CAPN2: variants seen among roughly 807,000 people sequenced by gnomAD.
CAPN2 encodes the protein calpain-2 catalytic subunit.
A neutral mutation model predicts 102.3 loss-of-function variants in CAPN2; 92 were observed. That is an observed-to-expected ratio of 0.90 (90% CI 0.76 to 1.07). The LOEUF (loss-of-function observed/expected upper bound fraction) is 1.07, where lower values mean the gene tolerates loss of function less well. CAPN2 is among the 50% of genes least tolerant of loss of function. The probability of loss-of-function intolerance (pLI) is 0.00; values close to 1 mark genes in which losing one functional copy is unlikely to be tolerated. For synonymous variants in CAPN2, 340 were observed against 355.4 expected (o/e 0.96, Z 0.49); for missense variants, 800 against 909.4 (o/e 0.88, Z 1.55).
chr1:223,764,025 G>T (rs764080280), intron 14 of CAPN2, 125 bp from the exon 15 acceptor site: 2 of 744,754 alleles, frequency 2.7e-6, no homozygotes, highest in Admixed American at 3.6e-5. Flanking sequence ...CATGGCTCGG[G>T]GGCTTGTTAG....
rs28370008 is a variant in CAPN2, at chr1:223,712,784, C to T, written c.144C>T (p.Asp48=). ...ECLEAGTLFQ[D]PSFPAIPSAL... is the part of the protein sequence containing the mutation. ...TGGAGGCCGGGACGCTCTTCCAGGA[C>T]CCGTCCTTCCCGGCCATCCCCTCGG... Residue 48 remains aspartate (D), a synonymous_variant, in exon 1 of 21, where the codon GAC becomes GAT. Coordinates refer to ENST00000295006, the MANE Select transcript of CAPN2 (RefSeq NM_001748.5). 1.0e-3 allele frequency: 1,605 copies of T among 1,578,796 alleles called. 17 individuals carry two copies. In the African/African-American group the frequency reaches 0.02, roughly 20 times the overall value.
At position 223,734,209 on chromosome 1, in the gene CAPN2, T is replaced by C. The variant is rs538388256; in HGVS notation, c.308-9891T>C. 4.6e-5 allele frequency among the ~76,000 whole-genome samples: 7 copies of C among 152,354 alleles called. No homozygotes were observed. In the East Asian group the frequency reaches 1.3e-3, roughly 29 times the overall value. The stretch of plus-strand genomic sequence containing the variant: ...AGGCCTGGGTGGCCACTCTTCTTTG[T>C]AGTGGCCACCCTCGTGTCACCAGCA... On this transcript the variant is annotated intron_variant, in intron 2 of 20. Coordinates refer to ENST00000295006, the MANE Select transcript of CAPN2 (RefSeq NM_001748.5).
At chr1:223,717,226 C>T (rs1659901062) in intron 1 of CAPN2, among the ~76,000 whole-genome samples, 1 of 152,148 alleles carries the variant, frequency 6.6e-6, no homozygotes, top group Non-Finnish European at 1.5e-5. Flanking sequence ...AGTCCAGAGA[C>T]TCTGGGACTC....
rs771376432 is a variant in CAPN2 at position 223,752,860 on chromosome 1, ACT to A, written c.1043_1044del (p.Leu348HisfsTer48). ...GGAGATCTGTAACCTGACCCCAGAC[ACT>A]CTCACCAGCGATACCTACAAGAAGT... ...RLEICNLTPD[T>X]LTSDTYKKWK... On this transcript the variant is annotated frameshift_variant, in exon 9 of 21. Transcript: ENST00000295006. LOFTEE classifies it high-confidence loss of function. 1.9e-6 allele frequency: 3 copies of A among 1,614,038 alleles called. No individual in the cohort carries two copies. The South Asian group carries it at 3.3e-5, about 18-fold the overall frequency.
chr1:223,770,280 A>G (rs1661439011), intron 17 of CAPN2, 167 bp from the exon 18 acceptor site: 2 of 613,028 alleles, frequency 3.3e-6, no homozygotes, highest in Admixed American at 3.0e-5. Flanking sequence ...CACAGACAGA[A>G]GCAAAATACT....
rs1661003739 is a variant in CAPN2 at position 223,755,287 on chromosome 1, T to C, written c.1136-193T>C. 6.6e-6 allele frequency among the ~76,000 whole-genome samples: 1 copy of C among 151,680 alleles called. No homozygotes were observed. The highest frequency in any genetic ancestry group is 1.5e-5 in the Non-Finnish European group (1 of 67,920). On this transcript the variant is annotated intron_variant, in intron 9 of 20. Coordinates refer to ENST00000295006, the MANE Select transcript of CAPN2 (RefSeq NM_001748.5). This position sits in a 1 kb window ranked among gnomAD's most constrained non-coding sequence, Gnocchi z 4.1. The stretch of plus-strand genomic sequence containing the variant: ...CGCCATTTTCTGACATCTCCCGCTG[T>C]CTCCCACCATCTTCTGCCATACTCT...
upstream of CAPN2, chr1:223,712,360 G>A (rs991981110): frequency 9.9e-6 from 8 of 809,434 alleles, no homozygotes; most frequent in African/African-American, 9.3e-5. Context: ...GCGCCATCCC[G>A]GGAGCTGTCC....
chr1:223,750,751 T>C lies in CAPN2; in HGVS notation c.814-139T>C, dbSNP rs962462368. 3.3e-5 allele frequency: 24 copies of C among 726,390 alleles called. No individual in the cohort carries two copies. In the African/African-American group the frequency reaches 4.0e-4, roughly 12 times the overall value. The allele number at this position is 726,390 out of a possible 1,614,324, so 45.0% of individuals were successfully genotyped here. ...AGCTCTTGTGATCCTCCCTCATACA[T>C]GGACTCAACCCCCAAATCCTCCCCA... On this transcript the variant is annotated intron_variant, in intron 6 of 20. Coordinates refer to ENST00000295006, the MANE Select transcript of CAPN2 (RefSeq NM_001748.5).
Position 223,771,554 on chromosome 1 carries a change from G to A in CAPN2, c.1904-255G>A, listed in dbSNP as rs1398593376. 9.1e-6 allele frequency: 4 copies of A among 439,850 alleles called. No individual in the cohort carries two copies. The South Asian group carries it at 9.8e-5, about 11-fold the overall frequency. The allele number at this position is 439,850 out of a possible 1,614,324, so 27.2% of individuals were successfully genotyped here. A position where few individuals can be genotyped will look rare whatever the true frequency, so the allele number is the denominator to read the frequency against. On this transcript the variant is annotated intron_variant, in intron 18 of 20. Coordinates refer to ENST00000295006, the MANE Select transcript of CAPN2 (RefSeq NM_001748.5). ...CAACATGAAGCAACTGTGACCATGA[G>A]AACAGAAACAGGCAAGAAAACACTT...
intron 2 of CAPN2, among the ~76,000 whole-genome samples, chr1:223,733,672 G>T (rs766211247): frequency 3.3e-5 from 5 of 152,170 alleles, no homozygotes; most frequent in Non-Finnish European, 7.3e-5. Flanking sequence ...TCTTGGAAGG[G>T]GAAGGCTGCT....
In CAPN2 at chr1:223,771,934, A is replaced by G. The variant is rs768359483; in HGVS notation, c.2020+9A>G. 15 of 1,570,790 alleles carry G rather than the reference A, an allele frequency of 9.5e-6. No individual in the cohort carries two copies. Among genetic ancestry groups the G allele is most frequent in the Non-Finnish European group, 1.3e-5 (15 of 1,140,584 alleles). On this transcript the variant is annotated intron_variant, in intron 19 of 20. Coordinates refer to ENST00000295006, the MANE Select transcript of CAPN2 (RefSeq NM_001748.5). The stretch of plus-strand genomic sequence containing the variant: ...GCTGGAAACGCTATTCAGTAAGTGG[A>G]TATTTGGGGAATGACTCATTTCAGT...
chr1:223,713,144 T>C (rs1659787810), intron 1 of CAPN2, among the ~76,000 whole-genome samples: 1 of 152,092 alleles, frequency 6.6e-6, no homozygotes, highest in African/African-American at 2.4e-5. Context: ...CAGATCCCAC[T>C]AGCAGGCCAC....
rs976708756 is a variant in CAPN2, at chr1:223,725,998, G to A, written c.307+8167G>A. On this transcript the variant is annotated intron_variant, in intron 2 of 20. Transcript: ENST00000295006. The surrounding 1 kb of genome is among the most constrained non-coding windows in gnomAD (Gnocchi z 4.1). The stretch of plus-strand genomic sequence containing the variant: ...ACCCAGGGCCTCGTGGGTTTCCTCC[G>A]TCTCTCGGGAGACCAGGATCCGAGT... 1.3e-5 allele frequency among the ~76,000 whole-genome samples: 2 copies of A among 152,090 alleles called. No homozygotes were observed. Among genetic ancestry groups the A allele is most frequent in the African/African-American group, 2.4e-5 (1 of 41,380 alleles).
chr1:223,752,881 A>T lies in CAPN2; in HGVS notation c.1060A>T (p.Lys354Ter). ...TPDTLTSDTYKKWKLTKMDGN... is the reference protein window; with the variant it reads ...TPDTLTSDTY The stretch of plus-strand genomic sequence containing the variant: ...AGACACTCTCACCAGCGATACCTAC[A>T]AGAAGTGGAAACTCACCAAAATGGA... Residue 354 changes from lysine (K) to a stop codon, truncating the protein, a stop_gained, in exon 9 of 21, where the codon AAG becomes TAG. Transcript: ENST00000295006. LOFTEE classifies it high-confidence loss of function. The T allele has an allele frequency of 6.2e-7, 1 of 1,614,088 alleles. No homozygotes were observed. Among genetic ancestry groups the T allele is most frequent in the Non-Finnish European group, 8.5e-7 (1 of 1,179,972 alleles).
chr1:223,728,679 A>G (rs1660258754), intron 2 of CAPN2, among the ~76,000 whole-genome samples: 1 of 152,170 alleles, frequency 6.6e-6, no homozygotes, highest in Admixed American at 6.5e-5. Flanking sequence ...TTTACCAGTA[A>G]TAACCCAAGC....
At chr1:223,768,189 G>A (rs1218794713) in intron 16 of CAPN2, among the ~76,000 whole-genome samples, 1 of 149,852 alleles carries the variant, frequency 6.7e-6, no homozygotes, top group Non-Finnish European at 1.5e-5. Flanking sequence ...AAGCTCTTTA[G>A]TTTAATTAGA....
rs138659498 is a variant in CAPN2, at chr1:223,740,479, T to A, written c.308-3621T>A. On this transcript the variant is annotated intron_variant, in intron 2 of 20. Transcript: ENST00000295006. ...CCTCCCATTCTGTATTTGTCCCGAT[T>A]GGCTAACAACTTAGAACTTTTTAAA... is the stretch of plus-strand genomic sequence containing the variant. Among the ~76,000 whole-genome samples the A allele has an allele frequency of 4.5e-3, 689 of 152,294 alleles. 31 individuals carry two copies. The East Asian group carries it at 0.11, about 23-fold the overall frequency.
At position 223,744,236 on chromosome 1, in the gene CAPN2, T is replaced by G. The variant is rs1429369756; in HGVS notation, c.426+18T>G. 2 of 1,529,888 alleles carry G rather than the reference T, an allele frequency of 1.3e-6. No homozygotes were observed. The highest frequency in any genetic ancestry group is 2.7e-5 in the African/African-American group (2 of 73,294). 94.8% of individuals were successfully genotyped at this position (1,529,888 alleles called of 1,614,324 possible). A position where few individuals can be genotyped will look rare whatever the true frequency, so the allele number is the denominator to read the frequency against. ...ACTTCCAGGTAACTTAATGGTTGGC[T>G]CAGGTGGTTCCTCAACAGGTCCAGG... On this transcript the variant is annotated intron_variant, in intron 3 of 20. Coordinates refer to ENST00000295006, the MANE Select transcript of CAPN2 (RefSeq NM_001748.5).
chr1:223,713,303 A>G (rs537519851), intron 1 of CAPN2, among the ~76,000 whole-genome samples: 80 of 152,268 alleles, frequency 5.3e-4, no homozygotes, highest in African/African-American at 1.7e-3. Context: ...TCCGTCTCCA[A>G]CTGGGGTTCT....
Sources: allele counts gnomAD v4.1 joint callset (sites outside exome capture counted in the v4.1 genomes callset), GRCh38; gene constraint gnomAD v4.1.1; non-coding constraint Gnocchi (gnomAD v3.1); transcripts MANE v1.5; gene names NCBI Gene and HGNC (gene_info 2026-07-23, HGNC 2026-07-21).